Variants in ACOT6 observed in about 807,000 individuals in gnomAD.
The protein encoded by ACOT6 is acyl-CoA thioesterase 6, also known as acyl-coenzyme A thioesterase 6.
A neutral mutation model predicts 12.3 loss-of-function variants in ACOT6; 14 were observed. That is an observed-to-expected ratio of 1.14 (90% CI 0.75 to 1.78). The LOEUF is 1.78. ACOT6 is among the 40% of genes most tolerant of loss of function. The probability of loss-of-function intolerance (pLI) is 0.00; values close to 1 mark genes in which losing one functional copy is unlikely to be tolerated. For synonymous variants in ACOT6, 218 were observed against 231.3 expected, an observed-to-expected ratio of 0.94 and a Z score of 0.52; for missense variants, 523 against 551.8, an observed-to-expected ratio of 0.95 and a Z score of 0.52.
Position 73,619,232 on chromosome 14 carries a change from A to G in ACOT6, c.661-2A>G. On this transcript the variant is annotated splice_acceptor_variant, in intron 2 of 2. Transcript: ENST00000645972. LOFTEE classifies it high-confidence loss of function. ...TGTTTTCCTTCTCTTTTTCCTCAAC[A>G]GGTGAAAGGTCCTAGTATTGCGCTT... 6.5e-7 allele frequency: 1 copy of G among 1,545,672 alleles called. No individual in the cohort carries two copies. Among genetic ancestry groups the G allele is most frequent in the Non-Finnish European group, 8.7e-7 (1 of 1,149,958 alleles).
intron 1 of ACOT6, among the ~76,000 whole-genome samples, chr14:73,614,964 G>A (rs1301915547): frequency 6.6e-6 from 1 of 151,174 alleles, no homozygotes; most frequent in African/African-American, 2.4e-5. Context: ...GGGCATGGTG[G>A]TGGGTGCCTG....
chr14:73,613,539 C>T (rs1268558361), intron 1 of ACOT6, among the ~76,000 whole-genome samples: 1 of 152,144 alleles, frequency 6.6e-6, no homozygotes, highest in Non-Finnish European at 1.5e-5. Flanking sequence ...ACAAAACTGC[C>T]TGACAGTCCT....
Position 73,612,779 on chromosome 14 carries a change from G to C in ACOT6, c.208G>C (p.Gly70Arg). The C allele has an allele frequency of 2.2e-6, 3 of 1,369,234 alleles. No individual in the cohort carries two copies. Among genetic ancestry groups the C allele is most frequent in the East Asian group, 6.1e-5 (2 of 32,570 alleles). 84.8% of individuals were successfully genotyped at this position (1,369,234 alleles called of 1,614,324 possible). Residue 70 changes from glycine to arginine, a missense_variant, in exon 1 of 3, where the codon GGC becomes CGC. By Grantham distance (125) the Gly-to-Arg change is moderately radical. This residue lies in a region of ACOT6 where 304 missense variants were observed against 274.8 expected (regional missense o/e 1.11). Transcript: ENST00000645972. ...CCTGGAGCGCGCGCCCGCGCTGGGA[G>C]GCAGCTTCGCGGGGCTCCAGCCCAT... The part of the protein sequence containing the change: ...LDLERAPALG[G>R]SFAGLQPMGL...
chr14:73,619,783 A>G lies in ACOT6; in HGVS notation c.1210A>G (p.Thr404Ala). 1 of 1,610,934 alleles carries G rather than the reference A, an allele frequency of 6.2e-7. No homozygotes were observed. Among genetic ancestry groups the G allele is most frequent in the South Asian group, 1.1e-5 (1 of 90,244 alleles). ...GGTAGATGCCTGGCAGCAAATTCAA[A>G]CTTTCTTCCATAAACATCTCAATGG... is the stretch of plus-strand genomic sequence containing the variant. ...AQVDAWQQIQTFFHKHLNGKK... is the reference protein window; with the variant it reads ...AQVDAWQQIQAFFHKHLNGKK... Residue 404 changes from threonine to alanine, a missense_variant, in exon 3 of 3, where the codon ACT becomes GCT. By Grantham distance (58) the Thr-to-Ala change is moderately conservative (BLOSUM62 0). Coordinates refer to ENST00000645972, the MANE Select transcript of ACOT6 (RefSeq NM_001365788.1).
chr14:73,616,342 GAGTC>G (rs1480351729), intron 1 of ACOT6, among the ~76,000 whole-genome samples: 1 of 151,468 alleles, frequency 6.6e-6, no homozygotes, highest in African/African-American at 2.4e-5. Context: ...TTTTGAGATA[GAGTC>G]TCACTCTGTC....
chr14:73,611,389 C>T (rs994726772), upstream of ACOT6: 1 of 152,246 alleles, frequency 6.6e-6, no homozygotes, highest in African/African-American at 2.4e-5. Flanking sequence ...TCCTATCAGA[C>T]TGCCCCCTTC....
chr14:73,611,335 C>G (rs906241666), upstream of ACOT6, among the ~76,000 whole-genome samples: 2 of 152,242 alleles, frequency 1.3e-5, no homozygotes, highest in Non-Finnish European at 2.9e-5. Context: ...ATAGTCTCCT[C>G]CTTCCTGCCA....
At position 73,619,603 on chromosome 14, in the gene ACOT6, G is replaced by C; in HGVS notation, c.1030G>C (p.Ala344Pro). 1 of 1,614,194 alleles carries C rather than the reference G, an allele frequency of 6.2e-7. No homozygotes were observed. Among genetic ancestry groups the C allele is most frequent in the Non-Finnish European group, 8.5e-7 (1 of 1,180,044 alleles). ...YAQIASERLQ[A>P]HGKERPQIIC... is the part of the protein sequence containing the mutation. ...TCAGATAGCCTCTGAAAGGCTACAA[G>C]CTCATGGGAAAGAAAGACCCCAGAT... The change falls in exon 3 of 3, where the codon GCT (alanine) becomes CCT (proline). Residue 344 changes from alanine to proline, a missense_variant. Physicochemically the swap from Ala to Pro is conservative, Grantham distance 27 (BLOSUM62 -1). Coordinates refer to ENST00000645972, the MANE Select transcript of ACOT6 (RefSeq NM_001365788.1).
intron 2 of ACOT6, among the ~76,000 whole-genome samples, chr14:73,618,927 T>C (rs1890583749): frequency 1.3e-5 from 2 of 152,116 alleles, no homozygotes; most frequent in South Asian, 4.1e-4. Context: ...GGTCAGAAGT[T>C]TGAGACCAGC....
chr14:73,613,925 C>G (rs1224747121), intron 1 of ACOT6, among the ~76,000 whole-genome samples: 1 of 150,120 alleles, frequency 6.7e-6, no homozygotes, highest in Non-Finnish European at 1.5e-5. Flanking sequence ...CACAGTGGCT[C>G]AGGCCTGTAA....
chr14:73,617,375 G>A (rs1595187072), intron 2 of ACOT6, among the ~76,000 whole-genome samples, 183 bp downstream of exon 2: 1 of 152,186 alleles, frequency 6.6e-6, no homozygotes, highest in African/African-American at 2.4e-5. Flanking sequence ...AGCTACCTGG[G>A]AGGCTGAGGC....
chr14:73,619,061 T>C (rs377240685), intron 2 of ACOT6, among the ~76,000 whole-genome samples, 173 bp from the exon 3 acceptor site: 21 of 151,790 alleles, frequency 1.4e-4, no homozygotes, highest in African/African-American at 5.1e-4. Flanking sequence ...ACCCGGGAGG[T>C]GGAGGTTACA....
intron 1 of ACOT6, among the ~76,000 whole-genome samples, chr14:73,614,266 G>C (rs1160649253): frequency 6.6e-6 from 1 of 152,120 alleles, no homozygotes; most frequent in African/African-American, 2.4e-5. Flanking sequence ...ACCGAATTCT[G>C]TGATTATTCT....
upstream of ACOT6, among the ~76,000 whole-genome samples, chr14:73,611,834 C>A (rs1595184320): frequency 2.0e-5 from 3 of 152,174 alleles, no homozygotes; most frequent in East Asian, 5.8e-4. Context: ...GTACCATTAG[C>A]CCTGGAAAAA....
At chr14:73,614,271 T>G (rs1467769826) in intron 1 of ACOT6, among the ~76,000 whole-genome samples, 1 of 152,160 alleles carries the variant, frequency 6.6e-6, no homozygotes, top group Non-Finnish European at 1.5e-5. Flanking sequence ...ATTCTGTGAT[T>G]ATTCTCCAAA....
At position 73,617,141 on chromosome 14, in the gene ACOT6, A is replaced by G. The variant is rs756058773; in HGVS notation, c.609A>G (p.Val203=). The change falls in exon 2 of 3, where the codon GTA becomes GTG. Residue 203 remains valine (V), a synonymous_variant. Coordinates refer to ENST00000645972, the MANE Select transcript of ACOT6 (RefSeq NM_001365788.1). Reference sequence around the variant, plus strand: ...ACCTCCCCGAAGATCTGAATGATGTACATCTGGAGTACTTTGAAGAAGCCG... The same window carrying G: ...ACCTCCCCGAAGATCTGAATGATGTGCATCTGGAGTACTTTGAAGAAGCCG... The part of the protein sequence containing the change: ...FEDLPEDLND[V]HLEYFEEAVD... 1 of 1,613,852 alleles carries G rather than the reference A, an allele frequency of 6.2e-7. No homozygotes were observed.
chr14:73,615,984 A>C (rs1890530758), intron 1 of ACOT6, among the ~76,000 whole-genome samples: 1 of 152,104 alleles, frequency 6.6e-6, no homozygotes, highest in South Asian at 2.1e-4. Context: ...ACTTGAGCCC[A>C]AGGATTCAAG....
At chr14:73,618,001 G>C (rs886642466) in intron 2 of ACOT6, among the ~76,000 whole-genome samples, 1 of 151,822 alleles carries the variant, frequency 6.6e-6, no homozygotes, top group African/African-American at 2.4e-5. Flanking sequence ...AAATTAGCTG[G>C]GCATGGTGGT....
rs1383778407 is a variant in ACOT6, at chr14:73,612,930, T to C, written c.359T>C (p.Leu120Pro). Reference protein sequence around the residue: ...DGHDTEPGRLLCLAQNKRDFL... With the variant: ...DGHDTEPGRLPCLAQNKRDFL... ...CACGACACCGAGCCCGGGCGGCTGCTGTGCCTGGCGCAGAACAAGCGCGAC... is the reference window on the plus strand; with the variant it reads ...CACGACACCGAGCCCGGGCGGCTGCCGTGCCTGGCGCAGAACAAGCGCGAC... Residue 120 changes from leucine to proline, a missense_variant, in exon 1 of 3, where the codon CTG (leucine) becomes CCG (proline). Physicochemically the swap from Leu to Pro is moderately conservative, Grantham distance 98 (BLOSUM62 -3). This residue lies in a region of ACOT6 where 304 missense variants were observed against 274.8 expected (regional missense o/e 1.11). Transcript: ENST00000645972. The C allele has an allele frequency of 2.2e-6, 3 of 1,339,744 alleles. No homozygotes were observed. Among genetic ancestry groups the C allele is most frequent in the Non-Finnish European group, 3.0e-6 (3 of 1,002,938 alleles). 83.0% of individuals were successfully genotyped at this position (1,339,744 alleles called of 1,614,324 possible).
Sources: gnomAD v4.1 joint callset for allele counts (sites outside exome capture counted in the v4.1 genomes callset) on GRCh38, gnomAD v4.1.1 for gene constraint, gnomAD v4.1.1 regional missense constraint, MANE v1.5 for transcripts, NCBI Gene and HGNC (gene_info 2026-07-23, HGNC 2026-07-21) for gene names.